RTN1: variants seen among roughly 807,000 people sequenced by gnomAD.
RTN1 encodes the protein reticulon 1.
A neutral mutation model predicts 65.5 loss-of-function variants in RTN1; 25 were observed. The ratio of observed to expected loss-of-function variants is 0.38; its 90% CI spans 0.28 to 0.53. The LOEUF (loss-of-function observed/expected upper bound fraction) is 0.53. RTN1 is among the 20% of genes least tolerant of loss of function. The pLI, the probability that RTN1 is intolerant of heterozygous loss-of-function variation, is 0.79. For synonymous variants in RTN1, 471 were observed against 447.6 expected (o/e 1.05, Z -0.66); for missense variants, 983 against 1,025.4 (o/e 0.96, Z 0.57).
chr14:59,770,203 C>A (rs1885926692), intron 1 of RTN1, among the ~76,000 whole-genome samples: 1 of 151,578 alleles, frequency 6.6e-6, no homozygotes, highest in African/African-American at 2.4e-5. Context: ...CATGGCGAAA[C>A]CCCGTATCTA....
intron 1 of RTN1, among the ~76,000 whole-genome samples, chr14:59,854,102 C>T (rs964817752): frequency 5.9e-5 from 9 of 151,776 alleles, no homozygotes; most frequent in Non-Finnish European, 8.8e-5. Context: ...TCAGGTGATC[C>T]GCCCACCTCG....
At chr14:59,749,278 CTATATATATCTA>C (rs1566711346) in intron 1 of RTN1, among the ~76,000 whole-genome samples, 6 of 16,338 alleles carry the variant, frequency 3.7e-4, no homozygotes, top group East Asian at 3.2e-3. Context: ...ATATATATAT[CTATATATATCTA>C]TATATATCTA....
At chr14:59,659,117 G>GAT (rs1233472347) in intron 3 of RTN1, among the ~76,000 whole-genome samples, 1 of 151,690 alleles carries the variant, frequency 6.6e-6, no homozygotes, top group Admixed American at 6.6e-5. Context: ...AACTGATCAA[G>GAT]TGGAAGAAAG....
At chr14:59,598,306 G>A (rs112528192) in intron 8 of RTN1, among the ~76,000 whole-genome samples, 9,863 of 152,244 alleles carry the variant, frequency 0.065, 375 homozygotes, top group Non-Finnish European at 0.087. Flanking sequence ...AGATTCTTTG[G>A]TTTTTAGCCT....
intron 3 of RTN1, among the ~76,000 whole-genome samples, chr14:59,624,742 G>A (rs541760285): frequency 5.9e-5 from 9 of 152,324 alleles, no homozygotes; most frequent in Admixed American, 2.6e-4. Flanking sequence ...GATTACAGGC[G>A]TGAGCCAACT....
intron 3 of RTN1, among the ~76,000 whole-genome samples, chr14:59,678,911 G>T (rs982119476): frequency 1.3e-5 from 2 of 152,192 alleles, no homozygotes; most frequent in African/African-American, 4.8e-5. Flanking sequence ...AGGCTATCCA[G>T]GTAATTCTTA....
At chr14:59,705,733 A>G (rs2139452227) in intron 3 of RTN1, among the ~76,000 whole-genome samples, 1 of 152,330 alleles carries the variant, frequency 6.6e-6, no homozygotes, top group Non-Finnish European at 1.5e-5. Context: ...TTGCCCTTAT[A>G]ACACTTTATT....
intron 3 of RTN1, among the ~76,000 whole-genome samples, chr14:59,716,803 CA>C (rs958817485): frequency 0.018 from 2,161 of 122,000 alleles, 17 homozygotes; most frequent in Non-Finnish European, 0.022. Flanking sequence ...TAAAAAAATA[CA>C]AAAAAAAAAA....
rs540463990 is a variant in RTN1, at chr14:59,649,073, A to T, written c.1766-41581T>A. The stretch of plus-strand genomic sequence containing the variant: ...ACCAAAACAGATATATAGACCAACG[A>T]AACAGAACAGAGGCCTCAGAAATAA... On this transcript the variant is annotated intron_variant, in intron 3 of 8. Coordinates refer to ENST00000267484, the MANE Select transcript of RTN1 (RefSeq NM_021136.3). 1.6e-4 allele frequency among the ~76,000 whole-genome samples: 25 copies of T among 152,290 alleles called. 1 individual carries two copies. Among genetic ancestry groups the T allele is most frequent in the African/African-American group, 5.8e-4 (24 of 41,556 alleles).
At chr14:59,614,847 A>C (rs556416522) in intron 3 of RTN1, among the ~76,000 whole-genome samples, 1 of 152,368 alleles carries the variant, frequency 6.6e-6, no homozygotes, top group South Asian at 2.1e-4. Context: ...ACTAAAAATA[A>C]AAGTTTCTAA....
chr14:59,858,608 T>A (rs1350145696), intron 1 of RTN1, among the ~76,000 whole-genome samples: 1 of 152,028 alleles, frequency 6.6e-6, no homozygotes, highest in East Asian at 1.9e-4. Flanking sequence ...TTACAAAAAA[T>A]CTCATGCAAT....
intron 3 of RTN1, among the ~76,000 whole-genome samples, chr14:59,653,017 A>T (rs1883050711): frequency 6.6e-6 from 1 of 152,128 alleles, no homozygotes; most frequent in Non-Finnish European, 1.5e-5. Context: ...TTAAGACATA[A>T]TCCTGGAAAA....
At chr14:59,792,396 C>CACACAT (rs1466560480) in intron 1 of RTN1, among the ~76,000 whole-genome samples, 1 of 148,714 alleles carries the variant, frequency 6.7e-6, no homozygotes, top group African/African-American at 2.5e-5. Context: ...CACACACACA[C>CACACAT]ATTCTGAGGT....
chr14:59,659,558 A>C (rs1325412065), intron 3 of RTN1, among the ~76,000 whole-genome samples: 3 of 152,248 alleles, frequency 2.0e-5, no homozygotes, highest in Non-Finnish European at 4.4e-5. Context: ...GAAACCCCAC[A>C]AGCCAGAAGA....
At chr14:59,808,058 C>T in intron 1 of RTN1, among the ~76,000 whole-genome samples, 1 of 152,154 alleles carries the variant, frequency 6.6e-6, no homozygotes, top group East Asian at 1.9e-4. Flanking sequence ...TGTTCTTATT[C>T]TGTAAATGAT....
chr14:59,746,328 C>T lies in RTN1; in HGVS notation c.395G>A (p.Gly132Asp). The change falls in exon 2 of 9, where the codon GGC (glycine) becomes GAC (aspartate). Residue 132 changes from glycine to aspartate, a missense_variant. Around this residue, in one of 2 missense-constraint regions of RTN1, gnomAD observed 818 missense variants for 801.8 expected, o/e 1.02. Transcript: ENST00000267484. ...YFTGILQKENGHVTISESPEE... is the reference protein window; with the variant it reads ...YFTGILQKENDHVTISESPEE... ...AGGGCTCTCTGAAATGGTGACGTGG[C>T]CATTTTCCTTCTGAAGAATTCCAGT... The T allele has an allele frequency of 6.2e-7, 1 of 1,614,150 alleles. No individual in the cohort carries two copies.
intron 1 of RTN1, among the ~76,000 whole-genome samples, chr14:59,818,991 G>T (rs1886873065): frequency 1.3e-5 from 2 of 152,126 alleles, no homozygotes; most frequent in Non-Finnish European, 2.9e-5. Flanking sequence ...GTTCCTTCCA[G>T]TGGGTTCGTG....
chr14:59,637,016 G>A (rs1174443583), intron 3 of RTN1, among the ~76,000 whole-genome samples: 3 of 152,204 alleles, frequency 2.0e-5, no homozygotes, highest in Non-Finnish European at 4.4e-5. Context: ...CAGCAGTAAA[G>A]TTTGCCACAT....
At chr14:59,621,641 AAAG>A (rs1442297517) in intron 3 of RTN1, among the ~76,000 whole-genome samples, 2 of 152,218 alleles carry the variant, frequency 1.3e-5, no homozygotes, top group Non-Finnish European at 2.9e-5. Context: ...ATCAATAACA[AAAG>A]AAGAATAAGA....
Sources: allele counts gnomAD v4.1 joint callset (sites outside exome capture counted in the v4.1 genomes callset), GRCh38; gene constraint gnomAD v4.1.1; regional missense constraint gnomAD v4.1.1; transcripts MANE v1.5; gene names NCBI Gene and HGNC (gene_info 2026-07-23, HGNC 2026-07-21).